Variants in RUBCN observed in about 807,000 individuals in gnomAD.
RUBCN encodes the protein rubicon autophagy regulator, also known as run domain Beclin-1-interacting and cysteine-rich domain-containing protein.
A neutral mutation model predicts 113.2 loss-of-function variants in RUBCN; 74 were observed. The ratio of observed to expected loss-of-function variants is 0.65; its 90% CI spans 0.54 to 0.79. RUBCN has a LOEUF of 0.79. Ranked by LOEUF, RUBCN falls within the 30% of genes least tolerant of loss-of-function variation. The probability of loss-of-function intolerance (pLI) is 0.00; values close to 1 mark genes in which losing one functional copy is unlikely to be tolerated. For synonymous variants in RUBCN, 480 were observed against 490.0 expected, an observed-to-expected ratio of 0.98 and a Z score of 0.27; for missense variants, 1,109 against 1,251.7, an observed-to-expected ratio of 0.89 and a Z score of 1.72.
chr3:197,744,062 A>G (rs753065850), intron 1 of RUBCN, among the ~76,000 whole-genome samples: 4 of 151,478 alleles, frequency 2.6e-5, no homozygotes, highest in Non-Finnish European at 4.4e-5. Flanking sequence ...TATATATCAT[A>G]TAATATAAAT....
rs201580625 is a variant in RUBCN, at chr3:197,674,528, C to T, written c.*490G>A. 81 of 516,810 alleles carry T rather than the reference C, an allele frequency of 1.6e-4. 1 individual carries two copies. The highest frequency in any genetic ancestry group is 1.2e-4 in the African/African-American group (6 of 50,386). 32.0% of individuals were successfully genotyped at this position (516,810 alleles called of 1,614,324 possible). A position where few individuals can be genotyped will look rare whatever the true frequency, so the allele number is the denominator to read the frequency against. On this transcript the variant is annotated 3_prime_UTR_variant, in exon 20 of 20. Coordinates refer to ENST00000296343, the MANE Select transcript of RUBCN (RefSeq NM_014687.4). ...AGTCCTATTCTCTGCTGCTTCTCCT[C>T]GGGGCACAGTCTGACCCCAGTCCAG...
intron 1 of RUBCN, among the ~76,000 whole-genome samples, chr3:197,732,942 G>A (rs754551984): frequency 1.4e-4 from 21 of 152,166 alleles, no homozygotes; most frequent in Non-Finnish European, 1.5e-5. Flanking sequence ...TACTTCCTAC[G>A]TATCAGGCTC....
At chr3:197,679,810 C>T (rs1335159928) in intron 16 of RUBCN, among the ~76,000 whole-genome samples, 3 of 144,506 alleles carry the variant, frequency 2.1e-5, no homozygotes, top group African/African-American at 7.8e-5. Context: ...TGACAACTGG[C>T]TCCAGACTGT....
chr3:197,680,804 T>C (rs1344812134), intron 16 of RUBCN, among the ~76,000 whole-genome samples: 4 of 152,110 alleles, frequency 2.6e-5, no homozygotes, highest in Admixed American at 6.5e-5. Flanking sequence ...CCTCAAGTGC[T>C]ATCTACAGCT....
rs1488451054 is a variant in RUBCN, at chr3:197,673,494, A to G, written c.*1524T>C. 6.6e-6 allele frequency: 1 copy of G among 152,318 alleles called. No individual in the cohort carries two copies. The highest frequency in any genetic ancestry group is 1.5e-5 in the Non-Finnish European group (1 of 68,096). 9.4% of individuals were successfully genotyped at this position (152,318 alleles called of 1,614,324 possible). A position where few individuals can be genotyped will look rare whatever the true frequency, so the allele number is the denominator to read the frequency against. ...AAGACATGCCCATGGGCAGAATTCA[A>G]TCCCAGAACAAAAATGATGCAGGCT... On this transcript the variant is annotated 3_prime_UTR_variant, in exon 20 of 20. Coordinates refer to ENST00000296343, the MANE Select transcript of RUBCN (RefSeq NM_014687.4).
chr3:197,730,610 G>A (rs944824320), intron 1 of RUBCN, among the ~76,000 whole-genome samples: 1 of 151,590 alleles, frequency 6.6e-6, no homozygotes, highest in South Asian at 2.1e-4. Flanking sequence ...GGACCAGGGG[G>A]CCATCACGAG....
Position 197,670,332 on chromosome 3 carries a change from T to C in RUBCN, c.*4686A>G, listed in dbSNP as rs1005656169. On this transcript the variant is annotated 3_prime_UTR_variant, in exon 20 of 20. Coordinates refer to ENST00000296343, the MANE Select transcript of RUBCN (RefSeq NM_014687.4). ...CTTTGTACTCTCAGCTCTGGCATGG[T>C]GTCTGGAACACGGAGGCATCTATAG... 5.6e-4 allele frequency among the ~76,000 whole-genome samples: 85 copies of C among 152,362 alleles called. No individual in the cohort carries two copies. Among genetic ancestry groups the C allele is most frequent in the African/African-American group, 1.9e-3 (81 of 41,602 alleles).
rs570943689 is a variant in RUBCN at position 197,749,514 on chromosome 3, G to A, written c.-361C>T. The A allele has an allele frequency of 1.3e-5, 17 of 1,289,630 alleles. No individual in the cohort carries two copies. In the African/African-American group the frequency reaches 2.4e-4, roughly 18 times the overall value. The allele number at this position is 1,289,630 out of a possible 1,614,324, so 79.9% of individuals were successfully genotyped here. A position where few individuals can be genotyped will look rare whatever the true frequency, so the allele number is the denominator to read the frequency against. Reference sequence around the variant, plus strand: ...TGCAGCTGCAATCTACACTCGCAGGGGTCTGTCCTGCCTCCCGAGGCTGCG... The same window carrying A: ...TGCAGCTGCAATCTACACTCGCAGGAGTCTGTCCTGCCTCCCGAGGCTGCG... On this transcript the variant is annotated 5_prime_UTR_variant, in exon 1 of 21. Coordinates refer to the RUBCN transcript ENST00000273582.
rs1053296169 is a variant in RUBCN at position 197,683,573 on chromosome 3, C to T, written c.1848-134G>A. 5 of 941,586 alleles carry T rather than the reference C, an allele frequency of 5.3e-6. No homozygotes were observed. Among genetic ancestry groups the T allele is most frequent in the Admixed American group, 2.0e-5 (1 of 50,226 alleles). The allele number at this position is 941,586 out of a possible 1,614,324, so 58.3% of individuals were successfully genotyped here. A position where few individuals can be genotyped will look rare whatever the true frequency, so the allele number is the denominator to read the frequency against. On this transcript the variant is annotated intron_variant, in intron 12 of 19. Coordinates refer to ENST00000296343, the MANE Select transcript of RUBCN (RefSeq NM_014687.4). The surrounding 1 kb of genome is among the most constrained non-coding windows in gnomAD (Gnocchi z 4.6). The stretch of plus-strand genomic sequence containing the variant: ...ACCCGCAGCACCCTGGCCTGCTCAT[C>T]ACCCTCACACATGGGACAGTCAAAG...
chr3:197,678,292 TG>T lies in RUBCN; in HGVS notation c.2431-752del, dbSNP rs1309182769. On this transcript the variant is annotated intron_variant, in intron 16 of 19. Transcript: ENST00000296343. ...ACTGGCTCCAGACTGTCCTATGCTC[TG>T]ACAACTGGCTTCAGACTGTCCTATG... Among the ~76,000 whole-genome samples, 807 of 151,992 alleles carry T rather than the reference TG, an allele frequency of 5.3e-3. 6 individuals are homozygous for T. The highest frequency in any genetic ancestry group is 0.017 in the Middle Eastern group (5 of 292).
At position 197,677,088 on chromosome 3, in the gene RUBCN, A is replaced by C. The variant is rs766299872; in HGVS notation, c.2493-50T>G. On this transcript the variant is annotated intron_variant, in intron 17 of 19. Transcript: ENST00000296343. ...TGAGGGAATGAACAGTGCATGTGCCACATCGTAGTAGAAGGATCCCTATCC... is the reference window on the plus strand; with the variant it reads ...TGAGGGAATGAACAGTGCATGTGCCCCATCGTAGTAGAAGGATCCCTATCC... 51 of 1,559,732 alleles carry C rather than the reference A, an allele frequency of 3.3e-5. 2 individuals are homozygous for C. Among genetic ancestry groups the C allele is most frequent in the Admixed American group, 2.0e-4 (12 of 59,954 alleles).
At chr3:197,722,983 G>T (rs542668709) in intron 1 of RUBCN, among the ~76,000 whole-genome samples, 10 of 151,930 alleles carry the variant, frequency 6.6e-5, no homozygotes, top group Non-Finnish European at 1.2e-4. Context: ...GATAAGTAAG[G>T]TCTGTTACTT....
chr3:197,714,819 A>T (rs1725339981), intron 2 of RUBCN, among the ~76,000 whole-genome samples: 1 of 151,908 alleles, frequency 6.6e-6, no homozygotes, highest in Non-Finnish European at 1.5e-5. Flanking sequence ...TTTTTTTTTT[A>T]AATAGGAGGA....
At chr3:197,715,009 G>A (rs916802113) in intron 2 of RUBCN, among the ~76,000 whole-genome samples, 1 of 152,036 alleles carries the variant, frequency 6.6e-6, no homozygotes, top group Non-Finnish European at 1.5e-5. Context: ...AAGAAACTCG[G>A]CTAGGCGCAG....
chr3:197,736,576 C>T, intron 1 of RUBCN, 79 bp downstream of exon 1: 1 of 1,431,942 alleles, frequency 7.0e-7, no homozygotes, highest in Middle Eastern at 2.4e-4. Flanking sequence ...CCCTTCTCTC[C>T]GTGACCCCGC....
Sources: allele counts gnomAD v4.1 joint callset (sites outside exome capture counted in the v4.1 genomes callset), GRCh38; gene constraint gnomAD v4.1.1; non-coding constraint Gnocchi (gnomAD v3.1); transcripts MANE v1.5; gene names NCBI Gene and HGNC (gene_info 2026-07-23, HGNC 2026-07-21).